Variants in KMT2C observed in about 807,000 individuals in gnomAD.
The protein encoded by KMT2C is lysine methyltransferase 2C.
KMT2C carries 88 observed loss-of-function variants against 507.9 expected under a neutral mutation model. The observed-to-expected ratio is 0.17, with a 90% CI of 0.15 to 0.21. KMT2C has a LOEUF of 0.21. KMT2C is among the 10% of genes least tolerant of loss of function. The pLI is 1.00. For synonymous variants in KMT2C, 2,049 were observed against 2,080.8 expected (o/e 0.98, Z 0.42); for missense variants, 4,954 against 5,957.8 (o/e 0.83, Z 5.55).
rs1048470125 is a variant in KMT2C at position 152,356,576 on chromosome 7, T to C, written c.250+2011A>G. 2.1e-5 allele frequency among the ~76,000 whole-genome samples: 3 copies of C among 142,614 alleles called. No individual in the cohort carries two copies. The Admixed American group carries it at 2.1e-4, about 10-fold the overall frequency. 93.6% of individuals were successfully genotyped at this position (142,614 alleles called of 152,430 possible). On this transcript the variant is annotated intron_variant, in intron 2 of 58. Coordinates refer to ENST00000262189, the MANE Select transcript of KMT2C (RefSeq NM_170606.3). ...GGGGAACAAAGGACGAAACTCTGTC[T>C]CAAAAAAACAAAATTAAAAAAAATA...
chr7:152,156,968 G>A (rs1378116912), intron 44 of KMT2C, among the ~76,000 whole-genome samples: 1 of 152,130 alleles, frequency 6.6e-6, no homozygotes, highest in Non-Finnish European at 1.5e-5. Flanking sequence ...GAGAGACTTG[G>A]AATCTACCAA....
chr7:152,157,493 A>G (rs916249206), intron 44 of KMT2C, among the ~76,000 whole-genome samples: 2 of 152,214 alleles, frequency 1.3e-5, no homozygotes, highest in African/African-American at 2.4e-5. Context: ...AGTGTTAATA[A>G]AGGTTATAAG....
At chr7:152,254,088 G>C (rs2095607099) in intron 9 of KMT2C, among the ~76,000 whole-genome samples, 1 of 152,088 alleles carries the variant, frequency 6.6e-6, no homozygotes, top group Non-Finnish European at 1.5e-5. Flanking sequence ...TAGTCTTAAA[G>C]ATTAAAATGA....
At chr7:152,323,356 G>A (rs1223374413) in intron 3 of KMT2C, among the ~76,000 whole-genome samples, 2 of 152,034 alleles carry the variant, frequency 1.3e-5, no homozygotes, top group African/African-American at 2.4e-5. Flanking sequence ...AAAGCGGGAG[G>A]ATGGGGAGTG....
At chr7:152,330,500 G>A in intron 3 of KMT2C, 101 bp downstream of exon 3, 4 of 1,186,574 alleles carry the variant, frequency 3.4e-6, no homozygotes, top group Non-Finnish European at 4.9e-6. Context: ...ATCCCACCCA[G>A]ATTTTCATCC....
rs766093205 is a variant in KMT2C at position 152,248,338 on chromosome 7, A to G, written c.2096T>C (p.Leu699Ser). 7 of 1,613,880 alleles carry G rather than the reference A, an allele frequency of 4.3e-6. No individual in the cohort carries two copies. The highest frequency in any genetic ancestry group is 5.9e-6 in the Non-Finnish European group (7 of 1,179,852). ...MESVTLPLET[L>S]VSPHEESISL... ...AATACTTTCCTCATGTGGGGACACT[A>G]AGGTTTCTAGTGGAAGAGTGACAGA... Residue 699 changes from leucine (L) to serine (S), a missense_variant, in exon 14 of 59, where the codon TTA (leucine) becomes TCA (serine). Physicochemically the swap from Leu to Ser is moderately radical, Grantham distance 145. Around this residue, in one of 29 missense-constraint regions of KMT2C, gnomAD observed 376 missense variants for 352.4 expected, o/e 1.07. Transcript: ENST00000262189.
chr7:152,218,129 A>C (rs1307754561), intron 23 of KMT2C, among the ~76,000 whole-genome samples: 1 of 152,178 alleles, frequency 6.6e-6, no homozygotes, highest in Non-Finnish European at 1.5e-5. Flanking sequence ...CTACAAAACA[A>C]AAATTATCAA....
rs148110224 is a variant in KMT2C, at chr7:152,152,801, G to C, written c.12430C>G (p.Leu4144Val). The change falls in exon 49 of 59, where the codon CTC becomes GTC. Residue 4144 changes from leucine (L) to valine (V), a missense_variant. Transcript: ENST00000262189. The stretch of plus-strand genomic sequence containing the variant: ...GCAGATCCTGGCGGAGGCCCACGGA[G>C]AAGTAAATGCTGTCGATACTCCAAA... ...PGLEYRQHLL[L>V]RGPPPGSANP... The C allele has an allele frequency of 1.6e-4, 266 of 1,614,070 alleles. No individual in the cohort carries two copies. Among genetic ancestry groups the C allele is most frequent in the Non-Finnish European group, 2.2e-4 (254 of 1,180,052 alleles).
In KMT2C at chr7:152,179,192, T is replaced by C. The variant is rs943717767; in HGVS notation, c.7442+642A>G. ...TGTATTTTTACTAGAGGCAGGGTTT[T>C]ACCATGTTGGCCAGGTTGGTCTCGA... On this transcript the variant is annotated intron_variant, in intron 37 of 58. Coordinates refer to ENST00000262189, the MANE Select transcript of KMT2C (RefSeq NM_170606.3). Among the ~76,000 whole-genome samples, 5 of 152,198 alleles carry C rather than the reference T, an allele frequency of 3.3e-5. No individual in the cohort carries two copies. In the South Asian group the frequency reaches 8.3e-4, roughly 25 times the overall value.
intron 1 of KMT2C, among the ~76,000 whole-genome samples, chr7:152,429,951 G>A (rs1230762248): frequency 1.3e-5 from 2 of 151,902 alleles, no homozygotes; most frequent in Non-Finnish European, 2.9e-5. Context: ...GCCGAGGCAG[G>A]CAGATCACCT....
chr7:152,335,454 G>A (rs1323882195), intron 2 of KMT2C, among the ~76,000 whole-genome samples: 2 of 152,132 alleles, frequency 1.3e-5, no homozygotes, highest in South Asian at 2.1e-4. Context: ...CCAACAATGA[G>A]CCAAATGGCC....
intron 42 of KMT2C, among the ~76,000 whole-genome samples, chr7:152,165,440 T>C (rs2092684432): frequency 6.6e-6 from 1 of 152,204 alleles, no homozygotes; most frequent in South Asian, 2.1e-4. Context: ...AAAAATATAC[T>C]TTATTAAACA....
chr7:152,309,239 A>T (rs1332203522), intron 6 of KMT2C, among the ~76,000 whole-genome samples: 1 of 152,084 alleles, frequency 6.6e-6, no homozygotes, highest in African/African-American at 2.4e-5. Flanking sequence ...TTCTAATTTA[A>T]ATGTAAACTA....
intron 18 of KMT2C, among the ~76,000 whole-genome samples, chr7:152,225,391 A>T (rs2094895983): frequency 6.6e-6 from 1 of 152,224 alleles, no homozygotes; most frequent in African/African-American, 2.4e-5. Flanking sequence ...TAAAAGAGTT[A>T]AATTCAAAGG....
At chr7:152,432,977 T>C (rs1293799630) in intron 1 of KMT2C, among the ~76,000 whole-genome samples, 1 of 152,092 alleles carries the variant, frequency 6.6e-6, no homozygotes, top group Admixed American at 6.6e-5. Flanking sequence ...TGAAACCCTG[T>C]GTCTACTAAA....
At chr7:152,319,464 C>A (rs1279070583) in intron 3 of KMT2C, among the ~76,000 whole-genome samples, 1 of 152,140 alleles carries the variant, frequency 6.6e-6, no homozygotes, top group Non-Finnish European at 1.5e-5. Flanking sequence ...AGTCCTTGGT[C>A]CCAGCGTCTG....
chr7:152,155,880 A>T (rs2092014626), intron 46 of KMT2C, 30 bp downstream of exon 46: 2 of 1,567,066 alleles, frequency 1.3e-6, no homozygotes, highest in Non-Finnish European at 1.7e-6. Flanking sequence ...GAAATAACTA[A>T]GAATTATTTG....
intron 14 of KMT2C, among the ~76,000 whole-genome samples, chr7:152,243,396 C>T (rs899675699): frequency 1.2e-4 from 19 of 152,308 alleles, no homozygotes; most frequent in Non-Finnish European, 1.6e-4. Flanking sequence ...ACTGAAAGTA[C>T]TCTTCTTATA....
intron 3 of KMT2C, among the ~76,000 whole-genome samples, chr7:152,322,744 TAAC>T (rs2096783836): frequency 6.6e-6 from 1 of 151,880 alleles, no homozygotes; most frequent in Non-Finnish European, 1.5e-5. Context: ...ATGAAAATAT[TAAC>T]AAAGTAAAGA....
Sources: allele counts gnomAD v4.1 joint callset (sites outside exome capture counted in the v4.1 genomes callset), GRCh38; gene constraint gnomAD v4.1.1; regional missense constraint gnomAD v4.1.1; transcripts MANE v1.5; gene names NCBI Gene and HGNC (gene_info 2026-07-23, HGNC 2026-07-21).